Variants in LRP1B observed in about 807,000 individuals in gnomAD.
LRP1B encodes the protein low-density lipoprotein receptor-related protein 1B.
LRP1B carries 217 observed loss-of-function variants against 556.6 expected under a neutral mutation model. That is an observed-to-expected ratio of 0.39 (90% confidence interval 0.35 to 0.44). The LOEUF (loss-of-function observed/expected upper bound fraction) is 0.44. Among genes scored for constraint, LRP1B ranks in the 20% least tolerant of loss-of-function variants. LRP1B has a pLI of 1.00. For synonymous variants in LRP1B, 2,047 were observed against 1,865.8 expected, an observed-to-expected ratio of 1.10 and a Z score of -2.50; for missense variants, 5,053 against 5,620.8, an observed-to-expected ratio of 0.90 and a Z score of 3.23.
chr2:140,937,974 A>G (rs1211917668), intron 20 of LRP1B, among the ~76,000 whole-genome samples: 2 of 151,796 alleles, frequency 1.3e-5, no homozygotes, highest in South Asian at 2.1e-4. Context: ...AGAACATAGC[A>G]TGATTGTTTG....
chr2:141,122,404 A>T (rs1373866354), intron 7 of LRP1B, among the ~76,000 whole-genome samples: 1 of 36,256 alleles, frequency 2.8e-5, no homozygotes, highest in African/African-American at 7.0e-5. Context: ...CAAACTTACA[A>T]GAAAAAAAAA....
chr2:140,325,811 A>G lies in LRP1B; in HGVS notation c.12291T>C (p.Ser4097=), dbSNP rs1573794756. The change falls in exon 80 of 91, where the codon AGT becomes AGC. Residue 4097 remains serine (S), a synonymous_variant. Coordinates refer to ENST00000389484, the MANE Select transcript of LRP1B (RefSeq NM_018557.3). ...WADFELSIIG[S]VLYDGSNSVV... The stretch of plus-strand genomic sequence containing the variant: ...CTGAATTAGAGCCATCATACAGAAC[A>G]CTGCCAATGATGGAGAGCTCAAAGT... 6.2e-7 allele frequency: 1 copy of G among 1,613,178 alleles called. No homozygotes were observed. Among genetic ancestry groups the G allele is most frequent in the Non-Finnish European group, 8.5e-7 (1 of 1,179,528 alleles).
At chr2:141,935,327 C>A (rs957496545) in intron 1 of LRP1B, among the ~76,000 whole-genome samples, 1 of 151,824 alleles carries the variant, frequency 6.6e-6, no homozygotes, top group Admixed American at 6.6e-5. Context: ...CCACATGTGA[C>A]CAAAAAGTAT....
chr2:141,036,576 C>A (rs751493710), intron 11 of LRP1B, among the ~76,000 whole-genome samples: 40 of 152,062 alleles, frequency 2.6e-4, no homozygotes, highest in Non-Finnish European at 4.9e-4. Context: ...CTTTTTCCTC[C>A]AAAGGCAAAG....
At chr2:141,151,083 A>G (rs1701912537) in intron 7 of LRP1B, among the ~76,000 whole-genome samples, 1 of 152,194 alleles carries the variant, frequency 6.6e-6, no homozygotes, top group Non-Finnish European at 1.5e-5. Context: ...CGTATCAGAC[A>G]GAATAGGCAG....
chr2:141,138,236 C>T (rs529865795), intron 7 of LRP1B, among the ~76,000 whole-genome samples: 2 of 151,988 alleles, frequency 1.3e-5, no homozygotes, highest in South Asian at 4.2e-4. Context: ...GACAAAAATT[C>T]TCAACAAACT....
chr2:141,039,519 A>G (rs891086546), intron 11 of LRP1B, among the ~76,000 whole-genome samples: 1 of 152,024 alleles, frequency 6.6e-6, no homozygotes. Context: ...ATGGGACTTT[A>G]GAGATTACCA....
intron 2 of LRP1B, among the ~76,000 whole-genome samples, chr2:141,681,353 AAAT>A (rs1303836291): frequency 6.6e-6 from 1 of 151,728 alleles, no homozygotes; most frequent in African/African-American, 2.4e-5. Flanking sequence ...AATAAAAAAA[AAAT>A]TCAAGGTAAG....
chr2:140,492,750 G>A (rs2104864000), intron 56 of LRP1B, 57 bp from the exon 57 acceptor site: 1 of 1,222,260 alleles, frequency 8.2e-7, no homozygotes, highest in Admixed American at 1.7e-5. Context: ...TTTCCCCTTT[G>A]CATAATTTCA....
intron 18 of LRP1B, among the ~76,000 whole-genome samples, chr2:140,954,113 T>G (rs1373541602): frequency 2.0e-5 from 3 of 152,222 alleles, no homozygotes; most frequent in Non-Finnish European, 4.4e-5. Context: ...CAAGATTTTG[T>G]TCATGTCAGC....
At chr2:141,645,436 T>C (rs1689521642) in intron 2 of LRP1B, among the ~76,000 whole-genome samples, 1 of 148,430 alleles carries the variant, frequency 6.7e-6, no homozygotes, top group Non-Finnish European at 1.5e-5. Flanking sequence ...GTAGCAGACA[T>C]GGGATCATTG....
At chr2:141,123,447 T>C (rs1362453826) in intron 7 of LRP1B, among the ~76,000 whole-genome samples, 2 of 152,032 alleles carry the variant, frequency 1.3e-5, no homozygotes, top group African/African-American at 4.8e-5. Context: ...ATTAATCTGG[T>C]ATCTGGTTAA....
chr2:141,909,525 C>CTTT (rs1699850056), intron 1 of LRP1B, among the ~76,000 whole-genome samples: 1 of 118,128 alleles, frequency 8.5e-6, no homozygotes, highest in African/African-American at 3.5e-5. Context: ...AGGTCTCAGA[C>CTTT]ATTTTTTTTT....
At chr2:140,527,906 C>T (rs1441885910) in intron 47 of LRP1B, among the ~76,000 whole-genome samples, 1 of 151,896 alleles carries the variant, frequency 6.6e-6, no homozygotes, top group Non-Finnish European at 1.5e-5. Context: ...AGACAAATTG[C>T]ATTTCTCTGT....
intron 2 of LRP1B, among the ~76,000 whole-genome samples, chr2:141,490,859 T>C (rs4461205): frequency 0.88 from 133,585 of 151,358 alleles, 60,124 homozygotes; most frequent in East Asian, 1. Flanking sequence ...CCTCACACTC[T>C]CCTTGTTAAA....
At chr2:142,008,715 A>G (rs992601763) in intron 1 of LRP1B, among the ~76,000 whole-genome samples, 5 of 152,034 alleles carry the variant, frequency 3.3e-5, no homozygotes, top group Non-Finnish European at 7.4e-5. Flanking sequence ...GTCCTCTCAA[A>G]GGTGAGGAGG....
At chr2:140,384,512 T>C (rs1252380477) in intron 67 of LRP1B, among the ~76,000 whole-genome samples, 2 of 152,330 alleles carry the variant, frequency 1.3e-5, no homozygotes, top group East Asian at 1.9e-4. Context: ...GACTGTGACC[T>C]GTTAGAAGAT....
intron 2 of LRP1B, among the ~76,000 whole-genome samples, chr2:141,535,110 C>A (rs903106924): frequency 3.3e-5 from 5 of 152,238 alleles, no homozygotes; most frequent in African/African-American, 1.2e-4. Context: ...CATCTTCTAA[C>A]AATTATCTGA....
chr2:141,505,953 T>G (rs1165441154), intron 2 of LRP1B, among the ~76,000 whole-genome samples: 1 of 152,094 alleles, frequency 6.6e-6, no homozygotes, highest in Non-Finnish European at 1.5e-5. Context: ...TAAAAGAGAA[T>G]AGTAATTTCC....
Sources: gnomAD v4.1 joint callset for allele counts (sites outside exome capture counted in the v4.1 genomes callset) on GRCh38, gnomAD v4.1.1 for gene constraint, MANE v1.5 for transcripts, NCBI Gene and HGNC (gene_info 2026-07-23, HGNC 2026-07-21) for gene names.